The following ADAMTS18 variants were observed in gnomAD, a reference collection of about 807,000 sequenced individuals.
The protein encoded by ADAMTS18 is A disintegrin and metalloproteinase with thrombospondin motifs 18.
In ADAMTS18, 157 loss-of-function variants were observed where a neutral mutation model predicts 165.9. That is an observed-to-expected ratio of 0.95 (90% CI 0.83 to 1.08). The LOEUF (loss-of-function observed/expected upper bound fraction) is 1.08. ADAMTS18 is among the 50% of genes least tolerant of loss of function. The pLI is 0.00. For synonymous variants in ADAMTS18, 782 were observed against 578.2 expected (o/e 1.35, Z -5.06); for missense variants, 2,040 against 1,534.0 (o/e 1.33, Z -5.51).
chr16:77,337,377 G>T (rs2144678336), intron 11 of ADAMTS18, among the ~76,000 whole-genome samples: 1 of 152,300 alleles, frequency 6.6e-6, no homozygotes, highest in South Asian at 2.1e-4. Flanking sequence ...TGCCAAAAAT[G>T]ATGCAGAGAG....
At chr16:77,322,602 T>G (rs1354950161) in intron 13 of ADAMTS18, 136 bp from the exon 14 acceptor site, 8 of 1,093,012 alleles carry the variant, frequency 7.3e-6, no homozygotes, top group African/African-American at 1.6e-5. Context: ...TTTGCACATA[T>G]AAGCCCATAT....
chr16:77,286,349 G>A (rs1157526552), intron 22 of ADAMTS18, among the ~76,000 whole-genome samples: 1 of 152,098 alleles, frequency 6.6e-6, no homozygotes, highest in Non-Finnish European at 1.5e-5. Flanking sequence ...GTGCTAATTG[G>A]TTGATTTGTT....
intron 3 of ADAMTS18, among the ~76,000 whole-genome samples, chr16:77,402,735 G>C (rs181479750): frequency 6.6e-6 from 1 of 152,306 alleles, no homozygotes; most frequent in South Asian, 2.1e-4. Context: ...GATGAGCACT[G>C]TTGGCCTCCA....
intron 10 of ADAMTS18, among the ~76,000 whole-genome samples, chr16:77,348,254 C>T (rs939743318): frequency 6.6e-6 from 1 of 151,962 alleles, no homozygotes; most frequent in Non-Finnish European, 1.5e-5. Context: ...CACTGGAGTC[C>T]AAGAAATGGA....
Position 77,384,092 on chromosome 16 carries a change from T to G in ADAMTS18, c.496-16369A>C, listed in dbSNP as rs562616646. On this transcript the variant is annotated intron_variant, in intron 3 of 22. Coordinates refer to ENST00000282849, the MANE Select transcript of ADAMTS18 (RefSeq NM_199355.4). ...TTTGTGCCTGTTCTGCCGACTTCCC[T>G]ATGTCCATTGTTTGGCAGCTGGTAG... is the stretch of plus-strand genomic sequence containing the variant. 6.4e-4 allele frequency among the ~76,000 whole-genome samples: 97 copies of G among 152,312 alleles called. No homozygotes were observed. In the South Asian group the frequency reaches 7.2e-3, roughly 11 times the overall value.
At chr16:77,321,930 C>A (rs893581899) in intron 14 of ADAMTS18, among the ~76,000 whole-genome samples, 1 of 152,032 alleles carries the variant, frequency 6.6e-6, no homozygotes, top group Non-Finnish European at 1.5e-5. Context: ...CTGAAGCGGG[C>A]AGATCACCTG....
intron 16 of ADAMTS18, among the ~76,000 whole-genome samples, chr16:77,314,140 C>G (rs2144623180): frequency 6.6e-6 from 1 of 152,186 alleles, no homozygotes; most frequent in East Asian, 1.9e-4. Flanking sequence ...GGACGTCCAC[C>G]AAACAGATGG....
intron 3 of ADAMTS18, among the ~76,000 whole-genome samples, chr16:77,418,313 G>A (rs10781985): frequency 0.59 from 89,861 of 151,934 alleles, 27,657 homozygotes; most frequent in Middle Eastern, 0.73. Flanking sequence ...ACTCATATAA[G>A]TGCACTGTCG....
intron 19 of ADAMTS18, among the ~76,000 whole-genome samples, chr16:77,294,594 G>A (rs968589786): frequency 6.6e-6 from 1 of 152,086 alleles, no homozygotes; most frequent in African/African-American, 2.4e-5. Context: ...TTCATTCTTT[G>A]TATTTGCGTT....
intron 3 of ADAMTS18, among the ~76,000 whole-genome samples, chr16:77,406,929 G>A (rs940731870): frequency 2.0e-5 from 3 of 151,804 alleles, no homozygotes; most frequent in Non-Finnish European, 4.4e-5. Flanking sequence ...TAGACACTGG[G>A]GATTACTAGA....
chr16:77,368,434 TTTC>T (rs1386288341), intron 3 of ADAMTS18, among the ~76,000 whole-genome samples: 4 of 148,946 alleles, frequency 2.7e-5, no homozygotes, highest in Non-Finnish European at 5.9e-5. Context: ...TTTTTCTTTT[TTTC>T]TTTTTTTTTT....
intron 3 of ADAMTS18, among the ~76,000 whole-genome samples, chr16:77,429,600 T>G (rs1052273442): frequency 6.6e-6 from 1 of 152,040 alleles, no homozygotes; most frequent in African/African-American, 2.4e-5. Context: ...TAAAAAAAAA[T>G]GGATAAAAAC....
intron 3 of ADAMTS18, among the ~76,000 whole-genome samples, chr16:77,368,744 T>TA (rs1181087853): frequency 2.0e-5 from 3 of 151,972 alleles, no homozygotes; most frequent in Non-Finnish European, 2.9e-5. Context: ...TCAATGTTTT[T>TA]AAAAAAAATC....
intron 6 of ADAMTS18, 43 bp downstream of exon 6, chr16:77,363,759 A>T: frequency 2.5e-6 from 4 of 1,570,012 alleles, no homozygotes; most frequent in Non-Finnish European, 3.5e-6. Flanking sequence ...ATGTATTCTG[A>T]ACGGCAGACT....
chr16:77,334,129 TATATAGTGTTATATATTATATATA>T (rs2056242116), intron 12 of ADAMTS18, among the ~76,000 whole-genome samples: 1 of 109,026 alleles, frequency 9.2e-6, no homozygotes, highest in Non-Finnish European at 1.7e-5. Context: ...TTATATATAA[TATATAGTGTTATATATTATATATA>T]ATATACAGTG....
At chr16:77,333,095 T>C (rs1249753766) in intron 12 of ADAMTS18, among the ~76,000 whole-genome samples, 1 of 152,102 alleles carries the variant, frequency 6.6e-6, no homozygotes, top group Non-Finnish European at 1.5e-5. Flanking sequence ...GAACCCTAGT[T>C]TAGATGAACA....
At chr16:77,399,267 A>T (rs549387964) in intron 3 of ADAMTS18, among the ~76,000 whole-genome samples, 3 of 152,194 alleles carry the variant, frequency 2.0e-5, no homozygotes, top group Non-Finnish European at 4.4e-5. Context: ...GTACCACTTC[A>T]GGCAGTGGGG....
chr16:77,297,183 A>T, intron 18 of ADAMTS18, 106 bp downstream of exon 18: 1 of 1,493,390 alleles, frequency 6.7e-7, no homozygotes, highest in Non-Finnish European at 9.3e-7. Context: ...CTACCTTTGA[A>T]TCACTTTCCA....
intron 22 of ADAMTS18, among the ~76,000 whole-genome samples, chr16:77,287,025 A>G (rs1377242694): frequency 1.3e-5 from 2 of 152,204 alleles, no homozygotes; most frequent in Middle Eastern, 6.8e-3. Context: ...GGGGGACAAC[A>G]AAGCTGTTTG....
Sources: allele counts gnomAD v4.1 joint callset (sites outside exome capture counted in the v4.1 genomes callset), GRCh38; gene constraint gnomAD v4.1.1; transcripts MANE v1.5; gene names NCBI Gene and HGNC (gene_info 2026-07-23, HGNC 2026-07-21).